The following PCSK5 variants were observed in gnomAD, a reference collection of about 807,000 sequenced individuals.
PCSK5 encodes the protein prohormone convertase 5.
Under a neutral mutation model 233.2 loss-of-function variants are expected in PCSK5, and 129 were observed. The observed-to-expected ratio is 0.55, with a 90% CI of 0.48 to 0.64. The LOEUF (loss-of-function observed/expected upper bound fraction) is 0.64. PCSK5 is among the 30% of genes least tolerant of loss of function. PCSK5 has a pLI of 0.00. For missense variants in PCSK5, 2,076 were observed against 2,430.1 expected (o/e 0.85, Z 3.06); for synonymous variants, 825 against 879.2 (o/e 0.94, Z 1.09).
At chr9:76,138,599 C>T (rs574191952) in intron 10 of PCSK5, among the ~76,000 whole-genome samples, 155 of 152,102 alleles carry the variant, frequency 1.0e-3, no homozygotes, top group African/African-American at 3.5e-3. Context: ...ATTCTTGGCC[C>T]GAGTCCTTAT....
At chr9:76,324,972 A>G in intron 32 of PCSK5, among the ~76,000 whole-genome samples, 1 of 152,108 alleles carries the variant, frequency 6.6e-6, no homozygotes, top group Non-Finnish European at 1.5e-5. Flanking sequence ...ACTGAGGGGA[A>G]GGTTTTTAGT....
At chr9:76,067,075 T>A (rs1026059949) in intron 5 of PCSK5, among the ~76,000 whole-genome samples, 4 of 152,180 alleles carry the variant, frequency 2.6e-5, no homozygotes, top group African/African-American at 9.6e-5. Context: ...CAGTCACGCT[T>A]TAGAATTCTT....
intron 3 of PCSK5, among the ~76,000 whole-genome samples, chr9:75,993,577 T>G (rs1204664986): frequency 6.6e-6 from 1 of 152,188 alleles, no homozygotes; most frequent in Non-Finnish European, 1.5e-5. Context: ...AAAGTCAATA[T>G]GTACCTTGTT....
intron 5 of PCSK5, among the ~76,000 whole-genome samples, chr9:76,051,557 A>C (rs1365951028): frequency 6.6e-6 from 1 of 152,044 alleles, no homozygotes; most frequent in Non-Finnish European, 1.5e-5. Context: ...TTATTTTCTG[A>C]TATCATAGGT....
intron 2 of PCSK5, among the ~76,000 whole-genome samples, chr9:75,977,371 A>G (rs1314798038): frequency 7.4e-6 from 1 of 134,254 alleles, no homozygotes; most frequent in African/African-American, 2.8e-5. Context: ...TCTTCCTGAC[A>G]CTCTCCCGCC....
At chr9:75,893,725 A>G (rs566193398) in intron 1 of PCSK5, among the ~76,000 whole-genome samples, 21 of 152,314 alleles carry the variant, frequency 1.4e-4, no homozygotes, top group Admixed American at 4.6e-4. Context: ...AATGCTAAGA[A>G]AGTTTACATA....
At chr9:76,189,855 G>T in intron 20 of PCSK5, 109 bp downstream of exon 20, 1 of 614,000 alleles carries the variant, frequency 1.6e-6, no homozygotes, top group Non-Finnish European at 2.9e-6. Context: ...CATCAGATAT[G>T]ACATGCTCAA....
intron 24 of PCSK5, among the ~76,000 whole-genome samples, chr9:76,268,562 G>C (rs1225209857): frequency 6.6e-6 from 1 of 152,196 alleles, no homozygotes; most frequent in Non-Finnish European, 1.5e-5. Context: ...AACTAGAAGC[G>C]GCTGGGTGCA....
chr9:76,117,007 T>G (rs371661815), intron 9 of PCSK5, among the ~76,000 whole-genome samples: 1 of 53,548 alleles, frequency 1.9e-5, no homozygotes, highest in South Asian at 6.3e-4. Context: ...GTTTAAACTC[T>G]AAATCTTGAT....
intron 7 of PCSK5, 132 bp downstream of exon 7, chr9:76,072,030 T>A: frequency 1.4e-6 from 1 of 725,780 alleles, no homozygotes; most frequent in Non-Finnish European, 2.2e-6. Flanking sequence ...GGTAGGCTAA[T>A]GGAAAGAGGT....
intron 10 of PCSK5, among the ~76,000 whole-genome samples, chr9:76,152,402 G>A (rs1221834821): frequency 6.6e-6 from 1 of 152,126 alleles, no homozygotes; most frequent in African/African-American, 2.4e-5. Context: ...ATTTTTTCAG[G>A]TATAGGCAAA....
intron 1 of PCSK5, among the ~76,000 whole-genome samples, chr9:75,900,458 C>T (rs1344180041): frequency 6.6e-6 from 1 of 151,950 alleles, no homozygotes; most frequent in Non-Finnish European, 1.5e-5. Flanking sequence ...GGAGCTGGAT[C>T]TCTTGAGGCC....
At chr9:76,001,210 A>G (rs1356283581) in intron 3 of PCSK5, among the ~76,000 whole-genome samples, 1 of 152,176 alleles carries the variant, frequency 6.6e-6, no homozygotes, top group African/African-American at 2.4e-5. Flanking sequence ...TTAGAATGAC[A>G]GAACTACCAT....
intron 2 of PCSK5, among the ~76,000 whole-genome samples, chr9:75,940,922 T>C (rs1306508914): frequency 1.3e-5 from 2 of 152,232 alleles, no homozygotes; most frequent in African/African-American, 4.8e-5. Flanking sequence ...AAGAACCTTA[T>C]TTAGTTAAAA....
At chr9:75,947,486 C>A (rs1371996276) in intron 2 of PCSK5, among the ~76,000 whole-genome samples, 4 of 151,250 alleles carry the variant, frequency 2.6e-5, no homozygotes, top group Non-Finnish European at 5.9e-5. Flanking sequence ...GGCTGCCATT[C>A]CAAGAAAAAT....
chr9:76,293,597 A>G (rs1435708586), intron 25 of PCSK5, among the ~76,000 whole-genome samples: 6 of 152,134 alleles, frequency 3.9e-5, no homozygotes, highest in African/African-American at 1.4e-4. Context: ...TTATAGGTGC[A>G]CACCACCACG....
intron 2 of PCSK5, among the ~76,000 whole-genome samples, chr9:75,968,245 CTG>C (rs1416791661): frequency 1.1e-4 from 17 of 152,352 alleles, no homozygotes; most frequent in Non-Finnish European, 2.1e-4. Flanking sequence ...CAAGGAACAA[CTG>C]TGTCCAACAA....
At chr9:76,188,377 T>C (rs542258719) in intron 17 of PCSK5, among the ~76,000 whole-genome samples, 2 of 152,148 alleles carry the variant, frequency 1.3e-5, no homozygotes, top group South Asian at 2.1e-4. Flanking sequence ...GCTACAGATA[T>C]CATTGTAGGC....
intron 20 of PCSK5, among the ~76,000 whole-genome samples, chr9:76,204,488 C>A (rs979436614): frequency 6.6e-6 from 1 of 151,648 alleles, no homozygotes; most frequent in African/African-American, 2.4e-5. Context: ...CTCTTTCTCT[C>A]CTCTACTCTC....
Sources: gnomAD v4.1 joint callset for allele counts (sites outside exome capture counted in the v4.1 genomes callset) on GRCh38, gnomAD v4.1.1 for gene constraint, MANE v1.5 for transcripts, NCBI Gene and HGNC (gene_info 2026-07-23, HGNC 2026-07-21) for gene names.